Variants in MYT1L observed in about 807,000 individuals in gnomAD.
MYT1L encodes myelin transcription factor 1 like, also known as myelin transcription factor 1-like protein.
In MYT1L, 12 loss-of-function variants were observed where a neutral mutation model predicts 126.7. The ratio of observed to expected loss-of-function variants is 0.09; its 90% CI spans 0.06 to 0.15. The LOEUF (loss-of-function observed/expected upper bound fraction) is 0.15. Ranked by LOEUF, MYT1L falls within the 10% of genes least tolerant of loss-of-function variation. The pLI is 1.00. For synonymous variants in MYT1L, 541 were observed against 604.2 expected (o/e 0.90, Z 1.53); for missense variants, 979 against 1,585.2 (o/e 0.62, Z 6.49).
At chr2:1,854,079 A>G (rs2043612161) in intron 18 of MYT1L, among the ~76,000 whole-genome samples, 1 of 152,142 alleles carries the variant, frequency 6.6e-6, no homozygotes, top group Admixed American at 6.5e-5. Context: ...CACTTTCCCA[A>G]TTTATATCTT....
At position 1,887,736 on chromosome 2, in the gene MYT1L, T is replaced by A. The variant is rs759891809; in HGVS notation, c.2521-127A>T. On this transcript the variant is annotated intron_variant, in intron 16 of 24. Transcript: ENST00000647738. The surrounding 1 kb of genome is among the most constrained non-coding windows in gnomAD (Gnocchi z 4.8). The stretch of plus-strand genomic sequence containing the variant: ...TCTTTCTGCTGTACCTTTAAGATCC[T>A]TTTGGTCCTGATAACGCCCCTACTG... 10 of 1,153,372 alleles carry A rather than the reference T, an allele frequency of 8.7e-6. No individual in the cohort carries two copies. The highest frequency in any genetic ancestry group is 1.2e-5 in the Non-Finnish European group (10 of 801,396). 71.4% of individuals were successfully genotyped at this position (1,153,372 alleles called of 1,614,324 possible). A position where few individuals can be genotyped will look rare whatever the true frequency, so the allele number is the denominator to read the frequency against.
intron 1 of MYT1L, among the ~76,000 whole-genome samples, chr2:2,322,723 A>AT (rs1262441287): frequency 6.6e-6 from 1 of 152,198 alleles, no homozygotes; most frequent in Non-Finnish European, 1.5e-5. Context: ...GTAAATGCTG[A>AT]TATTTTGCCC....
intron 2 of MYT1L, among the ~76,000 whole-genome samples, chr2:2,243,095 C>T (rs913714916): frequency 1.3e-5 from 2 of 151,936 alleles, no homozygotes; most frequent in Non-Finnish European, 2.9e-5. Context: ...AAGGAAGGGC[C>T]CCAGGTGGAG....
At chr2:2,313,480 A>G (rs1199123594) in intron 1 of MYT1L, among the ~76,000 whole-genome samples, 1 of 151,956 alleles carries the variant, frequency 6.6e-6, no homozygotes, top group Non-Finnish European at 1.5e-5. Flanking sequence ...CATTCTGAAT[A>G]GGCTTTACTT....
intron 8 of MYT1L, among the ~76,000 whole-genome samples, chr2:1,968,100 G>A (rs2059515779): frequency 1.3e-5 from 2 of 152,196 alleles, no homozygotes; most frequent in Non-Finnish European, 2.9e-5. Flanking sequence ...AGGGTGCTCA[G>A]GGAAGCCCAG....
intron 23 of MYT1L, among the ~76,000 whole-genome samples, chr2:1,799,570 T>C (rs1346180917): frequency 6.6e-6 from 1 of 152,180 alleles, no homozygotes; most frequent in African/African-American, 2.4e-5. Context: ...TGGCATCCTA[T>C]TGGAATTGGG....
intron 3 of MYT1L, among the ~76,000 whole-genome samples, chr2:2,056,931 C>T (rs1044571031): frequency 1.1e-4 from 16 of 152,142 alleles, no homozygotes; most frequent in Admixed American, 8.5e-4. Context: ...TTATATCACA[C>T]AGATTTTGGT....
chr2:2,288,370 G>C lies in MYT1L; in HGVS notation c.-520-3867C>G, dbSNP rs2095552926. Among the ~76,000 whole-genome samples the C allele has an allele frequency of 2.0e-5, 3 of 152,294 alleles. No homozygotes were observed. In the South Asian group the frequency reaches 6.2e-4, roughly 32 times the overall value. ...ATTAAAAGGAACTTTAAAAAAATTA[G>C]ATCATCATATGCCTAGACAGAGCAA... On this transcript the variant is annotated intron_variant, in intron 1 of 24. Coordinates refer to ENST00000647738, the MANE Select transcript of MYT1L (RefSeq NM_001303052.2).
At chr2:1,825,183 G>A (rs1191972987) in intron 21 of MYT1L, 1 of 152,276 alleles carries the variant, frequency 6.6e-6, no homozygotes, top group Non-Finnish European at 1.5e-5. Context: ...AGAGGCCTCA[G>A]GGCTGGGAGC....
At chr2:2,231,136 C>T (rs1298629778) in intron 2 of MYT1L, among the ~76,000 whole-genome samples, 2 of 152,176 alleles carry the variant, frequency 1.3e-5, no homozygotes, top group Non-Finnish European at 2.9e-5. Flanking sequence ...TCATTTCCTG[C>T]TTTTTATTTC....
intron 2 of MYT1L, among the ~76,000 whole-genome samples, chr2:2,262,932 A>ATATATATATATATATATATTTATATATT (rs1553610292): frequency 2.4e-5 from 1 of 41,212 alleles, no homozygotes; most frequent in Non-Finnish European, 4.7e-5. Context: ...ATATATATAT[A>ATATATATATATATATATATTTATATATT]ACCTGTGATA....
At chr2:1,876,768 T>C (rs1350888644) in intron 18 of MYT1L, among the ~76,000 whole-genome samples, 1 of 152,158 alleles carries the variant, frequency 6.6e-6, no homozygotes, top group Non-Finnish European at 1.5e-5. Context: ...AGAACTAAAG[T>C]CCTGCCAAGA....
intron 2 of MYT1L, among the ~76,000 whole-genome samples, chr2:2,242,905 A>T (rs1325541418): frequency 1.3e-5 from 2 of 152,202 alleles, no homozygotes; most frequent in African/African-American, 4.8e-5. Flanking sequence ...CCAGCTCTCT[A>T]GGAAGGATGC....
chr2:1,812,603 C>T (rs1180249381), intron 21 of MYT1L, among the ~76,000 whole-genome samples: 7 of 152,026 alleles, frequency 4.6e-5, no homozygotes, highest in Non-Finnish European at 1.0e-4. Flanking sequence ...CTTAGCCGGG[C>T]GCGGTGGTTC....
chr2:2,012,048 C>T (rs1039084717), intron 4 of MYT1L, among the ~76,000 whole-genome samples: 3 of 152,152 alleles, frequency 2.0e-5, no homozygotes, highest in Non-Finnish European at 4.4e-5. Flanking sequence ...TCACCAGAGT[C>T]GAGTCACTAT....
At chr2:2,188,139 T>C (rs932280448) in intron 2 of MYT1L, among the ~76,000 whole-genome samples, 33 of 152,142 alleles carry the variant, frequency 2.2e-4, no homozygotes, top group Non-Finnish European at 8.8e-5. Flanking sequence ...CACAAATGCA[T>C]GCACACACAC....
At chr2:2,153,458 GGTT>G (rs2086163593) in intron 3 of MYT1L, among the ~76,000 whole-genome samples, 1 of 152,164 alleles carries the variant, frequency 6.6e-6, no homozygotes, top group African/African-American at 2.4e-5. Flanking sequence ...ACACACAGGT[GGTT>G]GTTTAGACGT....
At chr2:2,106,880 G>A (rs1207722159) in intron 3 of MYT1L, among the ~76,000 whole-genome samples, 4 of 152,194 alleles carry the variant, frequency 2.6e-5, no homozygotes, top group African/African-American at 9.7e-5. Flanking sequence ...AGTGTCCAGG[G>A]CTGTCTACTA....
At chr2:2,127,207 T>C (rs767014838) in intron 3 of MYT1L, among the ~76,000 whole-genome samples, 2 of 152,162 alleles carry the variant, frequency 1.3e-5, no homozygotes, top group Non-Finnish European at 2.9e-5. Flanking sequence ...CTAGTACCCA[T>C]TAGTTATTTT....
Sources: allele counts gnomAD v4.1 joint callset (sites outside exome capture counted in the v4.1 genomes callset), GRCh38; gene constraint gnomAD v4.1.1; non-coding constraint Gnocchi (gnomAD v3.1); transcripts MANE v1.5; gene names NCBI Gene and HGNC (gene_info 2026-07-23, HGNC 2026-07-21).